Variants in RAB38 observed in about 807,000 individuals in gnomAD.
RAB38 encodes the protein ras-related protein Rab-38.
Under a neutral mutation model 18.4 loss-of-function variants are expected in RAB38, and 15 were observed. The ratio of observed to expected loss-of-function variants is 0.82; its 90% CI spans 0.55 to 1.26. The LOEUF is 1.26. RAB38 is among the 50% of genes most tolerant of loss of function. RAB38 has a pLI of 0.00. For synonymous variants in RAB38, 101 were observed against 104.4 expected, an observed-to-expected ratio of 0.97 and a Z score of 0.20; for missense variants, 294 against 267.4, an observed-to-expected ratio of 1.10 and a Z score of -0.69.
intron 1 of RAB38, among the ~76,000 whole-genome samples, chr11:88,171,457 G>A (rs1943311123): frequency 6.6e-6 from 1 of 152,258 alleles, no homozygotes; most frequent in African/African-American, 2.4e-5. Flanking sequence ...GTTCAGCAAG[G>A]TTTCACAGTT....
At chr11:88,172,134 G>A (rs578077453) in intron 1 of RAB38, among the ~76,000 whole-genome samples, 7 of 152,326 alleles carry the variant, frequency 4.6e-5, no homozygotes, top group South Asian at 4.1e-4. Flanking sequence ...AAACGGAACC[G>A]GGTCAAATCT....
chr11:88,094,001 G>A, the RAB38 span, among the ~76,000 whole-genome samples: 1 of 151,388 alleles, frequency 6.6e-6, no homozygotes, highest in East Asian at 1.9e-4. Flanking sequence ...TTGCTTCCAT[G>A]GCTAGTGGGT....
chr11:87,870,407 A>G, the RAB38 span, among the ~76,000 whole-genome samples: 1 of 151,540 alleles, frequency 6.6e-6, no homozygotes, highest in Admixed American at 6.6e-5. Flanking sequence ...TGATGCAGAT[A>G]TTCATGTCCA....
chr11:88,010,707 C>T, the RAB38 span, among the ~76,000 whole-genome samples: 1,148 of 152,232 alleles, frequency 7.5e-3, 16 homozygotes, highest in African/African-American at 0.024. Flanking sequence ...TTAATTCTCA[C>T]GATAATCCTG....
the RAB38 span, among the ~76,000 whole-genome samples, chr11:87,901,975 A>T: frequency 2.0e-5 from 3 of 150,964 alleles, no homozygotes; most frequent in Non-Finnish European, 3.0e-5. Flanking sequence ...TATGCTAAGG[A>T]AGGAGAAGGC....
At chr11:88,106,454 A>T in the RAB38 span, among the ~76,000 whole-genome samples, 1 of 152,164 alleles carries the variant, frequency 6.6e-6, no homozygotes, top group Admixed American at 6.6e-5. Context: ...CAAAAAAAAC[A>T]CACTTTCATA....
the RAB38 span, among the ~76,000 whole-genome samples, chr11:87,960,693 G>T: frequency 6.6e-6 from 1 of 152,102 alleles, no homozygotes; most frequent in Non-Finnish European, 1.5e-5. Flanking sequence ...CATAACTTCA[G>T]AATAATAGCT....
At chr11:88,040,281 G>A in the RAB38 span, among the ~76,000 whole-genome samples, 2 of 152,272 alleles carry the variant, frequency 1.3e-5, no homozygotes, top group African/African-American at 4.8e-5. Flanking sequence ...TTCACTTGTA[G>A]ATGGCCGTCC....
chr11:88,031,767 G>A, the RAB38 span, among the ~76,000 whole-genome samples: 1 of 152,024 alleles, frequency 6.6e-6, no homozygotes, highest in African/African-American at 2.4e-5. Flanking sequence ...ATGCTCAAGG[G>A]TAGGAAGAAT....
chr11:87,852,345 C>T, the RAB38 span, among the ~76,000 whole-genome samples: 6 of 152,222 alleles, frequency 3.9e-5, no homozygotes, highest in East Asian at 1.9e-4. Context: ...GTAAGTAGTA[C>T]GTAAGTCCTG....
the RAB38 span, among the ~76,000 whole-genome samples, chr11:88,017,590 C>A: frequency 6.6e-6 from 1 of 151,114 alleles, no homozygotes. Flanking sequence ...ACACTGGCTT[C>A]TTTATAACTC....
chr11:87,916,536 C>T, the RAB38 span, among the ~76,000 whole-genome samples: 1 of 152,072 alleles, frequency 6.6e-6, no homozygotes, highest in Non-Finnish European at 1.5e-5. Context: ...TGGCTTGACC[C>T]AGCACATGGA....
At chr11:87,975,389 A>T in the RAB38 span, among the ~76,000 whole-genome samples, 747 of 152,064 alleles carry the variant, frequency 4.9e-3, 3 homozygotes, top group African/African-American at 0.017. Context: ...TTTTCAGGTA[A>T]CGAAGCTGAA....
the RAB38 span, among the ~76,000 whole-genome samples, chr11:88,027,952 T>G: frequency 1.8e-4 from 27 of 152,146 alleles, no homozygotes; most frequent in African/African-American, 2.4e-5. Context: ...CCATGACCCC[T>G]GAGCAGCCTA....
the RAB38 span, among the ~76,000 whole-genome samples, chr11:88,078,570 C>T: frequency 6.6e-6 from 1 of 151,066 alleles, no homozygotes; most frequent in African/African-American, 2.4e-5. Context: ...TTATCATTTG[C>T]AGCAACCTGG....
At chr11:87,922,858 G>A in the RAB38 span, among the ~76,000 whole-genome samples, 1 of 151,194 alleles carries the variant, frequency 6.6e-6, no homozygotes, top group African/African-American at 2.4e-5. Context: ...AAACAGAGAG[G>A]AGGAATAAAG....
chr11:87,890,254 A>T, the RAB38 span, among the ~76,000 whole-genome samples: 1 of 151,900 alleles, frequency 6.6e-6, no homozygotes, highest in African/African-American at 2.4e-5. Flanking sequence ...ATAAAGAAGT[A>T]TGTCTGGGGA....
the RAB38 span, among the ~76,000 whole-genome samples, chr11:87,884,162 T>C: frequency 6.6e-6 from 1 of 151,972 alleles, no homozygotes; most frequent in Non-Finnish European, 1.5e-5. Flanking sequence ...ATTAGATACC[T>C]GTAGGTCACC....
At chr11:88,148,411 C>A (rs1323134711) in intron 2 of RAB38, among the ~76,000 whole-genome samples, 1 of 152,180 alleles carries the variant, frequency 6.6e-6, no homozygotes, top group Admixed American at 6.5e-5. Context: ...GGTTTTCTTT[C>A]CTATCTATAG....
Sources: allele counts gnomAD v4.1 joint callset (sites outside exome capture counted in the v4.1 genomes callset), GRCh38; gene constraint gnomAD v4.1.1; transcripts MANE v1.5; gene names NCBI Gene and HGNC (gene_info 2026-07-23, HGNC 2026-07-21).